The following GNA14 variants were observed in gnomAD, a reference collection of about 807,000 sequenced individuals.
GNA14 encodes G protein subunit alpha 14, also known as guanine nucleotide-binding protein subunit alpha-14.
In GNA14, 50 loss-of-function variants were observed where a neutral mutation model predicts 42.0. The observed-to-expected ratio is 1.19, with a 90% CI of 0.95 to 1.51. The LOEUF (loss-of-function observed/expected upper bound fraction) is 1.51. Ranked by LOEUF, GNA14 falls within the 40% of genes most tolerant of loss-of-function variation. The pLI, the probability that GNA14 is intolerant of heterozygous loss-of-function variation, is 0.00. For missense variants in GNA14, 473 were observed against 446.2 expected, an observed-to-expected ratio of 1.06 and a Z score of -0.54; for synonymous variants, 173 against 163.1, an observed-to-expected ratio of 1.06 and a Z score of -0.46.
At chr9:77,437,292 C>A (rs1835654562) in intron 2 of GNA14, among the ~76,000 whole-genome samples, 1 of 152,172 alleles carries the variant, frequency 6.6e-6, no homozygotes, top group African/African-American at 2.4e-5. Flanking sequence ...CGCCTGTAAT[C>A]CCAGCACTTT....
At chr9:77,515,020 C>T (rs1417795055) in intron 2 of GNA14, among the ~76,000 whole-genome samples, 1 of 152,040 alleles carries the variant, frequency 6.6e-6, no homozygotes, top group Non-Finnish European at 1.5e-5. Context: ...ACAGTGAGGC[C>T]TGGGAGAAGC....
intron 1 of GNA14, among the ~76,000 whole-genome samples, chr9:77,622,647 G>A (rs999399409): frequency 9.9e-5 from 15 of 151,590 alleles, no homozygotes; most frequent in Non-Finnish European, 1.8e-4. Context: ...AGCACTTTGG[G>A]AGGCTGAGGC....
chr9:77,467,847 A>C (rs891792503), intron 2 of GNA14, among the ~76,000 whole-genome samples: 4 of 151,920 alleles, frequency 2.6e-5, no homozygotes, highest in African/African-American at 9.7e-5. Context: ...GGAGGGAAAA[A>C]GTTAATAGTA....
intron 1 of GNA14, among the ~76,000 whole-genome samples, chr9:77,533,233 G>A (rs1229753955): frequency 6.6e-6 from 1 of 152,192 alleles, no homozygotes; most frequent in African/African-American, 2.4e-5. Flanking sequence ...CTGGAGTGCA[G>A]TGACATGATC....
chr9:77,425,552 A>T lies in GNA14; in HGVS notation c.877+10T>A. ...GCACAGAAAACACTGTCCACAAGATAGACACTTACCTGTGTATTCTGGGAA... is the reference window on the plus strand; with the variant it reads ...GCACAGAAAACACTGTCCACAAGATTGACACTTACCTGTGTATTCTGGGAA... On this transcript the variant is annotated intron_variant, in intron 6 of 6. Transcript: ENST00000341700. 6.3e-7 allele frequency: 1 copy of T among 1,590,454 alleles called. No homozygotes were observed. The highest frequency in any genetic ancestry group is 8.6e-7 in the Non-Finnish European group (1 of 1,165,242).
At chr9:77,458,779 C>T (rs929159696) in intron 2 of GNA14, among the ~76,000 whole-genome samples, 6 of 152,106 alleles carry the variant, frequency 3.9e-5, no homozygotes, top group African/African-American at 1.2e-4. Flanking sequence ...AGCAGGGCTA[C>T]ATCCCGAGGG....
chr9:77,493,243 G>A (rs1214816166), intron 2 of GNA14, among the ~76,000 whole-genome samples: 3 of 151,694 alleles, frequency 2.0e-5, no homozygotes, highest in Non-Finnish European at 4.4e-5. Flanking sequence ...GGTCAAAAAC[G>A]GCTCCTTTTT....
At chr9:77,481,114 T>C (rs1027017571) in intron 2 of GNA14, among the ~76,000 whole-genome samples, 13 of 151,906 alleles carry the variant, frequency 8.6e-5, no homozygotes, top group South Asian at 2.1e-4. Flanking sequence ...TTGTTCTTGC[T>C]TTTCTAGTTC....
At chr9:77,514,368 TCA>T (rs1413502217) in intron 2 of GNA14, among the ~76,000 whole-genome samples, 7 of 152,142 alleles carry the variant, frequency 4.6e-5, no homozygotes, top group Non-Finnish European at 1.0e-4. Context: ...AATATTGTCT[TCA>T]CACAGCGTCT....
intron 2 of GNA14, among the ~76,000 whole-genome samples, chr9:77,441,088 T>C (rs1835726750): frequency 6.6e-6 from 1 of 152,204 alleles, no homozygotes. Context: ...CTTGAGCAAA[T>C]TGCTCCTGTC....
chr9:77,561,142 T>C (rs560712838), intron 1 of GNA14, among the ~76,000 whole-genome samples: 1 of 152,300 alleles, frequency 6.6e-6, no homozygotes, highest in African/African-American at 2.4e-5. Context: ...AATTAAGGTG[T>C]CACCAGGTAC....
chr9:77,644,120 T>C (rs1191999095), intron 1 of GNA14, among the ~76,000 whole-genome samples: 1 of 152,098 alleles, frequency 6.6e-6, no homozygotes, highest in Non-Finnish European at 1.5e-5. Context: ...AAAGAGGTGA[T>C]TAGGATAAAA....
rs549684682 is a variant in GNA14 at position 77,548,817 on chromosome 9, G to A, written c.125-19564C>T. On this transcript the variant is annotated intron_variant, in intron 1 of 6. Coordinates refer to ENST00000341700, the MANE Select transcript of GNA14 (RefSeq NM_004297.4). ...TATTATTAAGCTTCTGCACCCATGT[G>A]GCAGCATCACTTTAACTTCTTCCTC... is the stretch of plus-strand genomic sequence containing the variant. Among the ~76,000 whole-genome samples the A allele has an allele frequency of 3.3e-5, 5 of 152,306 alleles. No homozygotes were observed. The East Asian group carries it at 9.6e-4, about 29-fold the overall frequency.
At chr9:77,426,551 G>A (rs1389598210) in intron 5 of GNA14, among the ~76,000 whole-genome samples, 5 of 152,090 alleles carry the variant, frequency 3.3e-5, no homozygotes, top group African/African-American at 7.2e-5. Context: ...CGATCCGCCC[G>A]CCTCGGCCTC....
chr9:77,592,097 A>G (rs1225404301), intron 1 of GNA14, among the ~76,000 whole-genome samples: 1 of 151,648 alleles, frequency 6.6e-6, no homozygotes, highest in Admixed American at 6.6e-5. Context: ...TGTATTTTTA[A>G]TAGAGACGGG....
chr9:77,608,250 A>C (rs1019362898), intron 1 of GNA14, among the ~76,000 whole-genome samples: 9 of 152,154 alleles, frequency 5.9e-5, no homozygotes, highest in African/African-American at 2.2e-4. Context: ...TCCCTTTTAG[A>C]ATGAGAATAT....
intron 1 of GNA14, among the ~76,000 whole-genome samples, chr9:77,568,717 G>C (rs1823011542): frequency 6.6e-6 from 1 of 152,234 alleles, no homozygotes; most frequent in Middle Eastern, 3.4e-3. Flanking sequence ...AGGTGGTACA[G>C]GGATGGTGAA....
At chr9:77,511,641 G>GGCACAGACCACACGCCCTCACA (rs1837172365) in intron 2 of GNA14, among the ~76,000 whole-genome samples, 1 of 152,078 alleles carries the variant, frequency 6.6e-6, no homozygotes, top group Non-Finnish European at 1.5e-5. Context: ...ATCCCAAGTG[G>GGCACAGACCACACGCCCTCACA]GCACAGACCA....
Position 77,424,091 on chromosome 9 carries a change from ACTTTCT to A in GNA14, c.950_955del (p.Glu317_Lys318del), listed in dbSNP as rs755818959. ...AGCACATGTGAAGTGAGAGTAGATG[ACTTTCT>A]CTTTGTCAGGATTCTGATCTTGGTA... On this transcript the variant is annotated inframe_deletion, in exon 7 of 7. Coordinates refer to ENST00000341700, the MANE Select transcript of GNA14 (RefSeq NM_004297.4). 30 of 1,612,464 alleles carry A rather than the reference ACTTTCT, an allele frequency of 1.9e-5. No homozygotes were observed. The highest frequency in any genetic ancestry group is 3.3e-5 in the South Asian group (3 of 90,884).
Sources: gnomAD v4.1 joint callset for allele counts (sites outside exome capture counted in the v4.1 genomes callset) on GRCh38, gnomAD v4.1.1 for gene constraint, MANE v1.5 for transcripts, NCBI Gene and HGNC (gene_info 2026-07-23, HGNC 2026-07-21) for gene names.